The following PRKCH variants were observed in gnomAD, a reference collection of about 807,000 sequenced individuals.
PRKCH encodes the protein protein kinase C eta.
Under a neutral mutation model 82.5 loss-of-function variants are expected in PRKCH, and 28 were observed. That is an observed-to-expected ratio of 0.34 (90% CI 0.25 to 0.47). PRKCH has a LOEUF of 0.47. Among genes scored for constraint, PRKCH ranks in the 20% least tolerant of loss-of-function variants. The probability of loss-of-function intolerance (pLI) is 1.00; values close to 1 mark genes in which losing one functional copy is unlikely to be tolerated. For synonymous variants in PRKCH, 322 were observed against 327.4 expected (o/e 0.98, Z 0.18); for missense variants, 705 against 881.8 (o/e 0.80, Z 2.54).
At chr14:61,412,017 A>C (rs1235484370) in intron 2 of PRKCH, among the ~76,000 whole-genome samples, 1 of 152,240 alleles carries the variant, frequency 6.6e-6, no homozygotes, top group Non-Finnish European at 1.5e-5. Context: ...GCATGGCTTT[A>C]AATCTAAAAA....
intron 1 of PRKCH, among the ~76,000 whole-genome samples, chr14:61,371,792 T>C (rs1416107588): frequency 6.6e-6 from 1 of 152,040 alleles, no homozygotes; most frequent in African/African-American, 2.4e-5. Flanking sequence ...TGTACATAGC[T>C]CACACTTTAG....
chr14:61,502,337 A>G (rs1293588432), intron 10 of PRKCH, among the ~76,000 whole-genome samples: 1 of 152,030 alleles, frequency 6.6e-6, no homozygotes, highest in Non-Finnish European at 1.5e-5. Context: ...CTGGGATTAC[A>G]GACATGAGCC....
chr14:61,364,581 C>G (rs2046273969), intron 1 of PRKCH, among the ~76,000 whole-genome samples: 1 of 151,974 alleles, frequency 6.6e-6, no homozygotes, highest in Non-Finnish European at 1.5e-5. Context: ...CACCTGTAAT[C>G]CTAGCACTTT....
intron 2 of PRKCH, among the ~76,000 whole-genome samples, chr14:61,441,305 A>G (rs1459868997): frequency 1.3e-5 from 2 of 152,130 alleles, no homozygotes; most frequent in Non-Finnish European, 2.9e-5. Context: ...AGAAGGGGCC[A>G]CCTGATTTCT....
At chr14:61,467,973 C>G (rs543939939) in intron 9 of PRKCH, among the ~76,000 whole-genome samples, 38 of 152,342 alleles carry the variant, frequency 2.5e-4, no homozygotes, top group African/African-American at 8.9e-4. Flanking sequence ...AAGCCAGAGT[C>G]AGTGCATGGA....
intron 1 of PRKCH, among the ~76,000 whole-genome samples, chr14:61,332,790 G>C (rs907360920): frequency 6.6e-6 from 1 of 152,148 alleles, no homozygotes; most frequent in Non-Finnish European, 1.5e-5. Flanking sequence ...TCTGTCCCTT[G>C]TACTAGCATA....
chr14:61,261,189 A>G (rs751753596), intron 1 of PRKCH, among the ~76,000 whole-genome samples: 13 of 152,194 alleles, frequency 8.5e-5, no homozygotes, highest in Non-Finnish European at 1.8e-4. Flanking sequence ...GCCGTCACCA[A>G]CGCACACACG....
At chr14:61,524,345 T>C (rs1465203172) in intron 10 of PRKCH, among the ~76,000 whole-genome samples, 1 of 152,248 alleles carries the variant, frequency 6.6e-6, no homozygotes, top group Admixed American at 6.5e-5. Flanking sequence ...GCACAGAGGA[T>C]AGAATAACTC....
intron 10 of PRKCH, among the ~76,000 whole-genome samples, chr14:61,485,930 T>A (rs890624236): frequency 2.0e-5 from 3 of 152,282 alleles, no homozygotes; most frequent in African/African-American, 7.2e-5. Flanking sequence ...CATGGCTAAT[T>A]TTTATTTTTT....
chr14:61,398,980 T>C (rs1180338363), intron 2 of PRKCH, among the ~76,000 whole-genome samples: 1 of 152,230 alleles, frequency 6.6e-6, no homozygotes, highest in East Asian at 1.9e-4. Context: ...GTGAGGATAT[T>C]ACAGAATTGT....
At chr14:61,265,624 C>T (rs2140082709) in intron 1 of PRKCH, among the ~76,000 whole-genome samples, 1 of 152,356 alleles carries the variant, frequency 6.6e-6, no homozygotes, top group African/African-American at 2.4e-5. Context: ...TCTCTGTCAC[C>T]CCTCTGCCAC....
chr14:61,379,951 T>G (rs1288560234), intron 1 of PRKCH, among the ~76,000 whole-genome samples: 1 of 152,216 alleles, frequency 6.6e-6, no homozygotes. Context: ...GCACAATTAC[T>G]CTTCTGTGGT....
chr14:61,454,161 T>C (rs577446873), intron 7 of PRKCH, among the ~76,000 whole-genome samples: 14 of 151,834 alleles, frequency 9.2e-5, no homozygotes, highest in African/African-American at 2.9e-4. Context: ...CAGCCTGGAG[T>C]GCAGTGATAT....
At chr14:61,472,165 C>G (rs1440832296) in intron 9 of PRKCH, among the ~76,000 whole-genome samples, 3 of 152,128 alleles carry the variant, frequency 2.0e-5, no homozygotes, top group Non-Finnish European at 4.4e-5. Context: ...AACAGTGAAG[C>G]CTGCTGCTCG....
intron 9 of PRKCH, among the ~76,000 whole-genome samples, chr14:61,473,993 T>TA (rs34413028): frequency 0.016 from 2,376 of 145,478 alleles, 63 homozygotes; most frequent in African/African-American, 0.054. Flanking sequence ...GACTCTGTCT[T>TA]AAAAAAAAAA....
At chr14:61,530,311 T>A in intron 11 of PRKCH, 96 bp from the exon 12 acceptor site, 3 of 1,316,954 alleles carry the variant, frequency 2.3e-6, no homozygotes, top group Non-Finnish European at 3.0e-6. Context: ...TAAAAAAACT[T>A]TGATATTTCC....
chr14:61,480,868 C>T (rs536286831), intron 9 of PRKCH, among the ~76,000 whole-genome samples: 45 of 152,192 alleles, frequency 3.0e-4, no homozygotes, highest in Non-Finnish European at 4.9e-4. Context: ...CAGTCCCTCC[C>T]GTCTGCCTGA....
intron 1 of PRKCH, among the ~76,000 whole-genome samples, chr14:61,366,121 A>G (rs1360338023): frequency 6.6e-6 from 1 of 152,096 alleles, no homozygotes; most frequent in Non-Finnish European, 1.5e-5. Flanking sequence ...GTGATTGCAG[A>G]AAAGCTCTTT....
chr14:61,238,471 A>C (rs1401209763), intron 1 of PRKCH, among the ~76,000 whole-genome samples: 2 of 152,186 alleles, frequency 1.3e-5, no homozygotes, highest in Non-Finnish European at 2.9e-5. Context: ...TAAATTCAGC[A>C]AACTTGTTTG....
Sources: gnomAD v4.1 joint callset for allele counts (sites outside exome capture counted in the v4.1 genomes callset) on GRCh38, gnomAD v4.1.1 for gene constraint, MANE v1.5 for transcripts, NCBI Gene and HGNC (gene_info 2026-07-23, HGNC 2026-07-21) for gene names.